Variants in IGF2R observed in about 807,000 individuals in gnomAD.
IGF2R encodes insulin like growth factor 2 receptor, also known as cation-independent mannose-6-phosphate receptor.
In IGF2R, 91 loss-of-function variants were observed where a neutral mutation model predicts 270.6. That is an observed-to-expected ratio of 0.34 (90% CI 0.28 to 0.40). The LOEUF is 0.40. Ranked by LOEUF, IGF2R falls within the 10% of genes least tolerant of loss-of-function variation. The pLI, the probability that IGF2R is intolerant of heterozygous loss-of-function variation, is 1.00. For missense variants in IGF2R, 2,805 were observed against 3,188.3 expected (o/e 0.88, Z 2.90); for synonymous variants, 1,316 against 1,258.9 (o/e 1.05, Z -0.96).
chr6:160,093,624 A>C, intron 44 of IGF2R: 1 of 718,000 alleles, frequency 1.4e-6, no homozygotes, highest in Non-Finnish European at 2.6e-6. Flanking sequence ...TTCCTTCCAG[A>C]GGGAGAGGAC....
chr6:159,978,464 C>G (rs1004823832), intron 1 of IGF2R, among the ~76,000 whole-genome samples: 1 of 152,088 alleles, frequency 6.6e-6, no homozygotes, highest in Admixed American at 6.5e-5. Flanking sequence ...CTCCCTGTTT[C>G]CCTGTGGTAG....
chr6:159,978,942 G>A (rs1458189082), intron 1 of IGF2R, among the ~76,000 whole-genome samples: 6 of 151,772 alleles, frequency 4.0e-5, no homozygotes, highest in South Asian at 4.2e-4. Context: ...TAGGAGTGTC[G>A]TCCTTCACTG....
At chr6:160,072,713 C>T in intron 32 of IGF2R, 52 bp from the exon 33 acceptor site, 1 of 1,611,642 alleles carries the variant, frequency 6.2e-7, no homozygotes, top group African/African-American at 1.3e-5. Flanking sequence ...ATGAGCCTCC[C>T]AAGTCTCAGC....
At chr6:160,005,711 C>T (rs1167420222) in intron 2 of IGF2R, 1 of 153,156 alleles carries the variant, frequency 6.5e-6, no homozygotes, top group Non-Finnish European at 1.5e-5. Context: ...ATCCCTTTTC[C>T]TGCAGCGGCC....
chr6:160,011,273 G>C (rs981939241), intron 4 of IGF2R, among the ~76,000 whole-genome samples: 73 of 152,054 alleles, frequency 4.8e-4, no homozygotes, highest in African/African-American at 1.7e-3. Flanking sequence ...ATGACTTCTG[G>C]CTGCAATGTG....
chr6:160,073,451 G>A lies in IGF2R; in HGVS notation c.4929G>A (p.Pro1643=), dbSNP rs144837234. The change falls in exon 34 of 48, where the codon CCG becomes CCA. Residue 1643 remains proline (P), a synonymous_variant. Transcript: ENST00000356956. The stretch of plus-strand genomic sequence containing the variant: ...CTCTCTTCTTCTCCTGGCACACGCC[G>A]CTGGCCTGCGAGCAAGCGGTGAGTT... ...TCTLFFSWHT[P]LACEQATECS... 4.3e-6 allele frequency: 7 copies of A among 1,614,096 alleles called. No individual in the cohort carries two copies. Among genetic ancestry groups the A allele is most frequent in the African/African-American group, 1.3e-5 (1 of 74,946 alleles).
At chr6:160,079,846 A>G in intron 38 of IGF2R, 59 bp downstream of exon 38, 4 of 1,396,908 alleles carry the variant, frequency 2.9e-6, no homozygotes, top group South Asian at 1.6e-5. Flanking sequence ...GAAATTAGAC[A>G]TAGCAGCAGA....
chr6:160,048,275 G>A (rs993681671), intron 17 of IGF2R, 100 bp from the exon 18 acceptor site: 1 of 1,159,328 alleles, frequency 8.6e-7, no homozygotes. Context: ...GGTGGAGCAT[G>A]TTTTATTTGG....
intron 44 of IGF2R, among the ~76,000 whole-genome samples, chr6:160,092,409 G>A (rs1409731590): frequency 7.2e-5 from 11 of 152,268 alleles, no homozygotes; most frequent in Non-Finnish European, 2.9e-5. Flanking sequence ...ACGTTCACAA[G>A]TGGTATGTCT....
chr6:160,093,659 CAA>C (rs1339855003), intron 44 of IGF2R: 2 of 745,484 alleles, frequency 2.7e-6, no homozygotes, highest in Non-Finnish European at 5.0e-6. Context: ...TGGATTCCTG[CAA>C]ACTCTGGCTC....
At chr6:160,007,376 G>T (rs6933622) in intron 2 of IGF2R, 55,527 of 152,054 alleles carry the variant, frequency 0.37, 11,015 homozygotes, top group East Asian at 0.69. Flanking sequence ...CCACCTCATG[G>T]CTGACACTTG....
intron 2 of IGF2R, among the ~76,000 whole-genome samples, chr6:159,992,521 T>G (rs1046920736): frequency 6.6e-6 from 1 of 152,064 alleles, no homozygotes; most frequent in Non-Finnish European, 1.5e-5. Flanking sequence ...ATTGTTCAAT[T>G]CATGTTGCTG....
intron 45 of IGF2R, among the ~76,000 whole-genome samples, chr6:160,096,974 A>G (rs1310388751): frequency 1.3e-5 from 2 of 152,176 alleles, no homozygotes; most frequent in Non-Finnish European, 2.9e-5. Context: ...AGCTCCTGGG[A>G]GGCAAGTACT....
intron 32 of IGF2R, 116 bp downstream of exon 32, chr6:160,072,152 C>G (rs185701572): frequency 1.0e-5 from 13 of 1,305,588 alleles, no homozygotes; most frequent in African/African-American, 1.4e-5. Flanking sequence ...GCGCCCTGGG[C>G]AGAGGTGTCA....
chr6:160,095,092 G>C (rs542320690), intron 44 of IGF2R: 1 of 152,256 alleles, frequency 6.6e-6, no homozygotes, highest in African/African-American at 2.4e-5. Flanking sequence ...GCTTGCCCAC[G>C]TCACTCTACC....
intron 1 of IGF2R, among the ~76,000 whole-genome samples, chr6:159,975,792 A>C (rs957302576): frequency 1.4e-5 from 2 of 147,592 alleles, no homozygotes; most frequent in Non-Finnish European, 3.0e-5. Flanking sequence ...ATAATATATA[A>C]TATATAGTTA....
At chr6:160,034,594 T>A in intron 10 of IGF2R, 72 bp downstream of exon 10, 1 of 1,008,190 alleles carries the variant, frequency 9.9e-7, no homozygotes, top group South Asian at 1.3e-5. Context: ...TGCACAGGCG[T>A]GTTCTTGGAA....
At chr6:159,973,491 G>A (rs943848015) in intron 1 of IGF2R, among the ~76,000 whole-genome samples, 3 of 152,320 alleles carry the variant, frequency 2.0e-5, no homozygotes, top group South Asian at 2.1e-4. Context: ...AGAGAATAAT[G>A]AAGCCAGCTG....
At chr6:160,029,976 G>T (rs1777658966) in intron 7 of IGF2R, among the ~76,000 whole-genome samples, 2 of 151,932 alleles carry the variant, frequency 1.3e-5, no homozygotes, top group African/African-American at 4.8e-5. Context: ...TTTTTTTTTG[G>T]TAGTTGGGTT....
Sources: allele counts gnomAD v4.1 joint callset (sites outside exome capture counted in the v4.1 genomes callset), GRCh38; gene constraint gnomAD v4.1.1; transcripts MANE v1.5; gene names NCBI Gene and HGNC (gene_info 2026-07-23, HGNC 2026-07-21).